The following TMEM260 variants were observed in gnomAD, a reference collection of about 807,000 sequenced individuals.
TMEM260 encodes the protein protein O-mannosyl-transferase TMEM260.
Under a neutral mutation model 88.9 loss-of-function variants are expected in TMEM260, and 82 were observed. The observed-to-expected ratio is 0.92, with a 90% CI of 0.77 to 1.11. The LOEUF is 1.11. TMEM260 is among the 50% of genes least tolerant of loss of function. TMEM260 has a pLI of 0.00. For synonymous variants in TMEM260, 314 were observed against 309.3 expected (o/e 1.02, Z -0.16); for missense variants, 902 against 853.4 (o/e 1.06, Z -0.71).
At chr14:56,604,996 T>C (rs933897002) in intron 4 of TMEM260, among the ~76,000 whole-genome samples, 4 of 152,218 alleles carry the variant, frequency 2.6e-5, no homozygotes, top group Middle Eastern at 3.2e-3. Context: ...CTGGCTAAAC[T>C]GACTTGACAG....
the TMEM260 span, among the ~76,000 whole-genome samples, chr14:56,657,876 A>G: frequency 3.3e-5 from 5 of 152,150 alleles, no homozygotes; most frequent in Admixed American, 2.0e-4. Flanking sequence ...CCACACCAAC[A>G]TGAGTAATTC....
the TMEM260 span, among the ~76,000 whole-genome samples, chr14:56,659,494 C>G: frequency 6.6e-6 from 1 of 152,202 alleles, no homozygotes; most frequent in African/African-American, 2.4e-5. Context: ...GCCTGAGCCT[C>G]TTCCTAGTAG....
rs17091760 is a variant in TMEM260 at position 56,592,662 on chromosome 14, T to G, written c.344+6750T>G. Among the ~76,000 whole-genome samples the G allele has an allele frequency of 9.7e-3, 1,474 of 152,268 alleles. 49 individuals are homozygous for G. The East Asian group carries it at 0.1, about 10-fold the overall frequency. On this transcript the variant is annotated intron_variant, in intron 3 of 15. Coordinates refer to ENST00000261556, the MANE Select transcript of TMEM260 (RefSeq NM_017799.4). ...AACATGGAAGGATAAGGGTGGTAGATTTGCTGTTTATTTTATCCTCCTTTA... is the reference window on the plus strand; with the variant it reads ...AACATGGAAGGATAAGGGTGGTAGAGTTGCTGTTTATTTTATCCTCCTTTA...
intron 8 of TMEM260, 53 bp downstream of exon 8, chr14:56,616,080 TA>T: frequency 1.5e-6 from 2 of 1,349,614 alleles, no homozygotes. Flanking sequence ...TGAATTGAAT[TA>T]ATGTTTTCAG....
At chr14:56,658,794 G>C in the TMEM260 span, among the ~76,000 whole-genome samples, 1 of 151,344 alleles carries the variant, frequency 6.6e-6, no homozygotes, top group Admixed American at 6.6e-5. Flanking sequence ...GCAATGGTAT[G>C]ATCTCAGCTC....
chr14:56,587,820 T>G (rs1296923880), intron 3 of TMEM260, among the ~76,000 whole-genome samples: 1 of 152,024 alleles, frequency 6.6e-6, no homozygotes, highest in Non-Finnish European at 1.5e-5. Context: ...TGTCAAACAA[T>G]AGACACCCTT....
At chr14:56,661,166 G>T in the TMEM260 span, among the ~76,000 whole-genome samples, 1 of 152,198 alleles carries the variant, frequency 6.6e-6, no homozygotes, top group African/African-American at 2.4e-5. Context: ...CCACGCTGGA[G>T]GATCCAACCC....
At chr14:56,639,091 G>A (rs1054519349) in intron 15 of TMEM260, among the ~76,000 whole-genome samples, 2 of 152,110 alleles carry the variant, frequency 1.3e-5, no homozygotes, top group Admixed American at 1.3e-4. Context: ...CCATTCTCTG[G>A]AGCAGTTGGG....
At chr14:56,624,311 C>G (rs1888105448) in intron 11 of TMEM260, among the ~76,000 whole-genome samples, 1 of 152,146 alleles carries the variant, frequency 6.6e-6, no homozygotes, top group African/African-American at 2.4e-5. Context: ...TGGTGGCTCA[C>G]GTCTGTAATC....
chr14:56,649,881 C>T (rs138601115), downstream of TMEM260, among the ~76,000 whole-genome samples: 448 of 152,160 alleles, frequency 2.9e-3, 20 homozygotes, highest in South Asian at 0.058. Flanking sequence ...TATGATGGCC[C>T]GGAGTAGATA....
chr14:56,609,222 C>T lies in TMEM260; in HGVS notation c.753C>T (p.Asp251=), dbSNP rs1170913327. 1 of 1,614,060 alleles carries T rather than the reference C, an allele frequency of 6.2e-7. No individual in the cohort carries two copies. Among genetic ancestry groups the T allele is most frequent in the Middle Eastern group, 1.6e-4 (1 of 6,062 alleles). Residue 251 remains aspartate (D), a synonymous_variant, in exon 6 of 16, where the codon GAC becomes GAT. Transcript: ENST00000261556. ...ATCACGCCCGGTGGACCTGGGGAGA[C>T]CAGACAACACTGCAAGGATTTTTGA... ...YLNHARWTWG[D]QTTLQGFLTH...
chr14:56,623,507 T>A (rs948157073), intron 11 of TMEM260, among the ~76,000 whole-genome samples: 1 of 152,164 alleles, frequency 6.6e-6, no homozygotes, highest in African/African-American at 2.4e-5. Flanking sequence ...AAACTGCTTA[T>A]TAGCAAAGGA....
At chr14:56,580,568 G>A (rs1244723558) in intron 1 of TMEM260, among the ~76,000 whole-genome samples, 2 of 152,210 alleles carry the variant, frequency 1.3e-5, no homozygotes, top group African/African-American at 4.8e-5. Flanking sequence ...GTGGGGGTAA[G>A]TAGTGGGTCC....
In TMEM260 at chr14:56,598,685, C is replaced by T. The variant is rs575555726; in HGVS notation, c.345-5130C>T. On this transcript the variant is annotated intron_variant, in intron 3 of 15. Transcript: ENST00000261556. ...TTCAAAGTCTTCAGAAAATCATCAT[C>T]CTTATCACTACTAGCATCATCCTTT... Among the ~76,000 whole-genome samples the T allele has an allele frequency of 2.6e-5, 4 of 152,234 alleles. No homozygotes were observed. The South Asian group carries it at 8.3e-4, about 32-fold the overall frequency.
intron 12 of TMEM260, among the ~76,000 whole-genome samples, chr14:56,627,534 CT>C (rs1412081519): frequency 6.6e-6 from 1 of 151,998 alleles, no homozygotes; most frequent in Non-Finnish European, 1.5e-5. Context: ...ACAACAACTG[CT>C]TTTGTATATG....
intron 5 of TMEM260, among the ~76,000 whole-genome samples, chr14:56,607,753 C>T: frequency 6.6e-6 from 1 of 152,048 alleles, no homozygotes. Flanking sequence ...ATTGATTCTA[C>T]CCCAAAATAA....
intron 1 of TMEM260, among the ~76,000 whole-genome samples, chr14:56,581,929 T>G (rs1466150203): frequency 2.6e-5 from 4 of 152,248 alleles, no homozygotes; most frequent in African/African-American, 9.6e-5. Flanking sequence ...TTGCCTTTAT[T>G]AATACTGTAT....
At chr14:56,644,274 A>AACCAAAACAGCATGGTACTGGT (rs1889805388) in intron 15 of TMEM260, among the ~76,000 whole-genome samples, 1 of 152,216 alleles carries the variant, frequency 6.6e-6, no homozygotes, top group African/African-American at 2.4e-5. Context: ...AGGCTACACT[A>AACCAAAACAGCATGGTACTGGT]ACCAAAACAG....
intron 7 of TMEM260, among the ~76,000 whole-genome samples, chr14:56,615,225 G>A (rs569799679): frequency 3.3e-5 from 5 of 152,068 alleles, no homozygotes; most frequent in East Asian, 3.9e-4. Context: ...TAAAATTGCC[G>A]GTAGGGAGAA....
Sources: gnomAD v4.1 joint callset for allele counts (sites outside exome capture counted in the v4.1 genomes callset) on GRCh38, gnomAD v4.1.1 for gene constraint, MANE v1.5 for transcripts, NCBI Gene and HGNC (gene_info 2026-07-23, HGNC 2026-07-21) for gene names.